EAPP: variants seen among roughly 807,000 people sequenced by gnomAD.
The protein encoded by EAPP is E2F associated phosphoprotein.
Under a neutral mutation model 34.3 loss-of-function variants are expected in EAPP, and 38 were observed. The ratio of observed to expected loss-of-function variants is 1.11; its 90% CI spans 0.85 to 1.45. The LOEUF is 1.45. Ranked by LOEUF, EAPP falls within the 40% of genes most tolerant of loss-of-function variation. The pLI is 0.00. For missense variants in EAPP, 338 were observed against 343.7 expected (o/e 0.98, Z 0.13); for synonymous variants, 113 against 117.6 (o/e 0.96, Z 0.25).
rs373182921 is a variant in EAPP, at chr14:34,523,300, T to A, written c.581+1397A>T. ...TTGCCCAGGCTGGAGTGCAGCGGCGTGACCTCGGCTCACTGTAAGCTCCGC... is the reference window on the plus strand; with the variant it reads ...TTGCCCAGGCTGGAGTGCAGCGGCGAGACCTCGGCTCACTGTAAGCTCCGC... On this transcript the variant is annotated intron_variant, in intron 5 of 5. Transcript: ENST00000250454. Among the ~76,000 whole-genome samples the A allele has an allele frequency of 5.9e-4, 87 of 146,674 alleles. No homozygotes were observed. In the South Asian group the frequency reaches 0.018, roughly 31 times the overall value.
chr14:34,530,904 C>CAAAAAAAAAA (rs780101001), intron 3 of EAPP, among the ~76,000 whole-genome samples: 34 of 55,144 alleles, frequency 6.2e-4, no homozygotes, highest in Admixed American at 8.1e-4. Flanking sequence ...CAATCTTTAC[C>CAAAAAAAAAA]AAAAAAAAAA....
chr14:34,535,140 T>A (rs892244905), intron 2 of EAPP, among the ~76,000 whole-genome samples: 5 of 148,190 alleles, frequency 3.4e-5, no homozygotes, highest in Non-Finnish European at 1.5e-5. Context: ...CTGGCCTTTT[T>A]TTTTTTTGAG....
At chr14:34,532,352 A>G (rs1880324414) in intron 3 of EAPP, among the ~76,000 whole-genome samples, 1 of 151,872 alleles carries the variant, frequency 6.6e-6, no homozygotes, top group Non-Finnish European at 1.5e-5. Context: ...CCAGCTACTC[A>G]AGAGGCTGAG....
chr14:34,521,452 C>T (rs368718219), intron 5 of EAPP, among the ~76,000 whole-genome samples: 1 of 152,030 alleles, frequency 6.6e-6, no homozygotes, highest in African/African-American at 2.4e-5. Flanking sequence ...TAGATTTAAT[C>T]TTTTGAGATA....
chr14:34,519,876 C>CTTTCT (rs1555319395), intron 5 of EAPP, among the ~76,000 whole-genome samples: 2 of 145,478 alleles, frequency 1.4e-5, no homozygotes, highest in Non-Finnish European at 3.0e-5. Context: ...TAACAAGGTT[C>CTTTCT]TTTCTTTTCT....
intron 5 of EAPP, 101 bp downstream of exon 5, chr14:34,524,596 A>G: frequency 1.1e-6 from 1 of 871,964 alleles, no homozygotes; most frequent in Non-Finnish European, 1.8e-6. Context: ...AGCCTGGGCA[A>G]CAGAGTAAGA....
At chr14:34,536,842 T>G (rs1880494728) in intron 1 of EAPP, among the ~76,000 whole-genome samples, 1 of 151,928 alleles carries the variant, frequency 6.6e-6, no homozygotes, top group Non-Finnish European at 1.5e-5. Context: ...GTCTCCCAAG[T>G]AGCTGGGATT....
chr14:34,530,419 A>G (rs1880244591), intron 3 of EAPP, among the ~76,000 whole-genome samples: 1 of 152,070 alleles, frequency 6.6e-6, no homozygotes, highest in Non-Finnish European at 1.5e-5. Context: ...CCTAGCTACT[A>G]GGGAAGCTGA....
At chr14:34,519,571 A>G (rs1425117324) in intron 5 of EAPP, among the ~76,000 whole-genome samples, 1 of 151,780 alleles carries the variant, frequency 6.6e-6, no homozygotes, top group Admixed American at 6.6e-5. Context: ...CTCCCCAGCC[A>G]TGCTTCCTAT....
At chr14:34,531,581 G>A (rs1378473840) in intron 3 of EAPP, among the ~76,000 whole-genome samples, 11 of 152,120 alleles carry the variant, frequency 7.2e-5, no homozygotes, top group Middle Eastern at 3.4e-3. Context: ...CAGCCTGGGC[G>A]ATAGAGCGAG....
chr14:34,516,959 A>AG (rs1566443700), intron 5 of EAPP, among the ~76,000 whole-genome samples: 2 of 140,546 alleles, frequency 1.4e-5, no homozygotes, highest in Non-Finnish European at 3.1e-5. Context: ...TTTTTTTGAG[A>AG]TGGAGTCTCG....
intron 5 of EAPP, among the ~76,000 whole-genome samples, chr14:34,523,996 A>G (rs1290270709): frequency 6.6e-6 from 1 of 152,084 alleles, no homozygotes; most frequent in Admixed American, 6.6e-5. Flanking sequence ...TGGCTCACGC[A>G]TGTAATCCCA....
intron 4 of EAPP, 136 bp downstream of exon 4, chr14:34,529,220 GTT>G (rs1880196625): frequency 1.6e-6 from 1 of 640,152 alleles, no homozygotes; most frequent in Non-Finnish European, 2.6e-6. Context: ...CTACTGAGCA[GTT>G]TTTTCCTCTA....
chr14:34,538,694 G>A (rs939842029), intron 1 of EAPP, among the ~76,000 whole-genome samples: 1 of 152,126 alleles, frequency 6.6e-6, no homozygotes, highest in Non-Finnish European at 1.5e-5. Flanking sequence ...TGGGATTACA[G>A]GCATGGGCCA....
chr14:34,531,463 G>A (rs926865164), intron 3 of EAPP, among the ~76,000 whole-genome samples: 8 of 151,658 alleles, frequency 5.3e-5, no homozygotes, highest in African/African-American at 1.5e-4. Flanking sequence ...TTAGCCGGGC[G>A]TGGTGACGGG....
chr14:34,525,119 C>G (rs1478251424), intron 4 of EAPP, among the ~76,000 whole-genome samples: 1 of 151,994 alleles, frequency 6.6e-6, no homozygotes, highest in Non-Finnish European at 1.5e-5. Context: ...TATAAATACC[C>G]ACGAATCCAC....
At chr14:34,537,495 C>G (rs935022972) in intron 1 of EAPP, among the ~76,000 whole-genome samples, 1 of 152,138 alleles carries the variant, frequency 6.6e-6, no homozygotes, top group African/African-American at 2.4e-5. Flanking sequence ...ATCATGGACC[C>G]TAGATATGCA....
At position 34,539,529 on chromosome 14, in the gene EAPP, G is replaced by A. The variant is rs1364843977; in HGVS notation, c.74+26C>T. ...AGCCAGGCCTCGACCCAAATCCTCG[G>A]GGGCCAGGGTGGGGCGGGAGCCCAC... On this transcript the variant is annotated intron_variant, in intron 1 of 5. Coordinates refer to ENST00000250454, the MANE Select transcript of EAPP (RefSeq NM_018453.4). The A allele has an allele frequency of 1.9e-6, 3 of 1,603,228 alleles. No homozygotes were observed. In the African/African-American group the frequency reaches 4.0e-5, roughly 21 times the overall value.
chr14:34,521,402 C>T (rs1879914031), intron 5 of EAPP, among the ~76,000 whole-genome samples: 1 of 152,004 alleles, frequency 6.6e-6, no homozygotes, highest in Non-Finnish European at 1.5e-5. Context: ...AAGCTTTCTA[C>T]TCCTTGCTTT....
Sources: allele counts gnomAD v4.1 joint callset (sites outside exome capture counted in the v4.1 genomes callset), GRCh38; gene constraint gnomAD v4.1.1; transcripts MANE v1.5; gene names NCBI Gene and HGNC (gene_info 2026-07-23, HGNC 2026-07-21).